The following SLC2A12 variants were observed in gnomAD, a reference collection of about 807,000 sequenced individuals.
The protein encoded by SLC2A12 is solute carrier family 2, facilitated glucose transporter member 12.
SLC2A12 carries 23 observed loss-of-function variants against 41.8 expected under a neutral mutation model. The observed-to-expected ratio is 0.55, with a 90% CI of 0.40 to 0.78. The LOEUF (loss-of-function observed/expected upper bound fraction) is 0.78, where lower values mean the gene tolerates loss of function less well. SLC2A12 is among the 30% of genes least tolerant of loss of function. The probability of loss-of-function intolerance (pLI) is 0.00; values close to 1 mark genes in which losing one functional copy is unlikely to be tolerated. For missense variants in SLC2A12, 654 were observed against 745.6 expected, an observed-to-expected ratio of 0.88 and a Z score of 1.43; for synonymous variants, 295 against 285.9, an observed-to-expected ratio of 1.03 and a Z score of -0.32.
intron 1 of SLC2A12, among the ~76,000 whole-genome samples, chr6:134,049,088 A>T (rs755023534): frequency 1.3e-5 from 2 of 152,224 alleles, no homozygotes; most frequent in African/African-American, 4.8e-5. Flanking sequence ...TTTAGGAAAA[A>T]GGAGTTCACA....
At chr6:134,035,151 C>CAGAA (rs1777277414) in intron 1 of SLC2A12, among the ~76,000 whole-genome samples, 1 of 107,910 alleles carries the variant, frequency 9.3e-6, no homozygotes, top group African/African-American at 3.3e-5. Flanking sequence ...GGCTGCCTGA[C>CAGAA]AAAAAAAAAA....
Position 133,988,444 on chromosome 6 carries a change from C to T in SLC2A12, c.*2711G>A, listed in dbSNP as rs1050165350. The T allele has an allele frequency of 1.3e-5, 2 of 152,126 alleles. No individual in the cohort carries two copies. Among genetic ancestry groups the T allele is most frequent in the African/African-American group, 4.8e-5 (2 of 41,440 alleles). 9.4% of individuals were successfully genotyped at this position (152,126 alleles called of 1,614,324 possible). ...AAACTTAATGGGGACAATATTCCAA[C>T]ACAATGTTCCACAAAAACTTGTATT... On this transcript the variant is annotated 3_prime_UTR_variant, in exon 5 of 5. Transcript: ENST00000275230.
chr6:134,028,166 A>G (rs1777139312), intron 2 of SLC2A12, among the ~76,000 whole-genome samples: 1 of 152,232 alleles, frequency 6.6e-6, no homozygotes, highest in Non-Finnish European at 1.5e-5. Context: ...AAGTATCCTC[A>G]TGTGACAGAT....
chr6:134,034,596 T>C (rs940739639), intron 1 of SLC2A12, among the ~76,000 whole-genome samples: 1 of 152,210 alleles, frequency 6.6e-6, no homozygotes, highest in Non-Finnish European at 1.5e-5. Flanking sequence ...CAAGATGCTA[T>C]CCTATGGATG....
At chr6:134,020,793 A>G (rs1200513650) in intron 2 of SLC2A12, among the ~76,000 whole-genome samples, 1 of 152,214 alleles carries the variant, frequency 6.6e-6, no homozygotes, top group Non-Finnish European at 1.5e-5. Context: ...TAAATTGGAC[A>G]GTCCATGAGA....
At position 133,989,041 on chromosome 6, in the gene SLC2A12, G is replaced by C. The variant is rs1298596671; in HGVS notation, c.*2114C>G. The C allele has an allele frequency of 6.6e-6, 1 of 152,160 alleles. No homozygotes were observed. Among genetic ancestry groups the C allele is most frequent in the East Asian group, 1.9e-4 (1 of 5,192 alleles). The allele number at this position is 152,160 out of a possible 1,614,324, so 9.4% of individuals were successfully genotyped here. A position where few individuals can be genotyped will look rare whatever the true frequency, so the allele number is the denominator to read the frequency against. ...AATCGAAGTGCTTTATCTGAAGGGA[G>C]AGGGTAAAGACAGTGTGACCAGGTT... On this transcript the variant is annotated 3_prime_UTR_variant, in exon 5 of 5. Coordinates refer to ENST00000275230, the MANE Select transcript of SLC2A12 (RefSeq NM_145176.3).
At chr6:134,044,451 C>T (rs534918333) in intron 1 of SLC2A12, among the ~76,000 whole-genome samples, 8 of 152,180 alleles carry the variant, frequency 5.3e-5, no homozygotes, top group African/African-American at 1.7e-4. Context: ...AGTGGCTTCA[C>T]GCCTGTAATC....
At chr6:134,004,543 A>G (rs1047776758) in intron 3 of SLC2A12, among the ~76,000 whole-genome samples, 1 of 152,218 alleles carries the variant, frequency 6.6e-6, no homozygotes, top group African/African-American at 2.4e-5. Context: ...GACAATATAT[A>G]TGAAATGAAG....
chr6:134,000,399 G>T lies in SLC2A12; in HGVS notation c.1700+1598C>A, dbSNP rs950286257. Among the ~76,000 whole-genome samples, 3 of 152,118 alleles carry T rather than the reference G, an allele frequency of 2.0e-5. No homozygotes were observed. In the East Asian group the frequency reaches 5.8e-4, roughly 29 times the overall value. ...TGGTTAGTTCAATATAAATACACATGCACACATATACCTACTAACAATTCA... is the reference window on the plus strand; with the variant it reads ...TGGTTAGTTCAATATAAATACACATTCACACATATACCTACTAACAATTCA... On this transcript the variant is annotated intron_variant, in intron 4 of 4. Transcript: ENST00000275230.
intron 1 of SLC2A12, among the ~76,000 whole-genome samples, chr6:134,035,385 T>C (rs904123945): frequency 1.3e-5 from 2 of 151,930 alleles, no homozygotes; most frequent in Non-Finnish European, 2.9e-5. Context: ...CCTTATTTCA[T>C]GGGAGTCCTG....
In SLC2A12 at chr6:134,028,619, ATTG is replaced by A. The variant is rs773886515; in HGVS notation, c.1203_1205del (p.Asn402del). On this transcript the variant is annotated inframe_deletion, in exon 2 of 5. Coordinates refer to ENST00000275230, the MANE Select transcript of SLC2A12 (RefSeq NM_145176.3). ...TCCCTTTGAAGTGGTCTCTGAGAGT[ATTG>A]TTGTTGGTTGACAGGTTTCCTGGTC... The A allele has an allele frequency of 3.7e-6, 6 of 1,614,046 alleles. No individual in the cohort carries two copies. The Admixed American group carries it at 5.0e-5, about 13-fold the overall frequency.
chr6:133,991,060 T>C lies in SLC2A12; in HGVS notation c.*95A>G. 7.1e-7 allele frequency: 1 copy of C among 1,407,142 alleles called. No individual in the cohort carries two copies. The highest frequency in any genetic ancestry group is 9.6e-7 in the Non-Finnish European group (1 of 1,045,088). The allele number at this position is 1,407,142 out of a possible 1,614,324, so 87.2% of individuals were successfully genotyped here. The stretch of plus-strand genomic sequence containing the variant: ...CTCTTCAAAACCAGTTCCATGACAC[T>C]GAAAAGAGAGCACAGGAGTCGCAAC... On this transcript the variant is annotated 3_prime_UTR_variant, in exon 5 of 5. Transcript: ENST00000275230.
chr6:134,018,362 A>T (rs1211347985), intron 2 of SLC2A12, among the ~76,000 whole-genome samples: 1 of 152,184 alleles, frequency 6.6e-6, no homozygotes, highest in Non-Finnish European at 1.5e-5. Context: ...TAAAACTGAA[A>T]GCTAGAGAGA....
Position 134,028,923 on chromosome 6 carries a change from G to A in SLC2A12, c.902C>T (p.Ala301Val). Residue 301 changes from alanine (A) to valine (V), a missense_variant, in exon 2 of 5, where the codon GCA becomes GTA. Physicochemically the swap from Ala to Val is moderately conservative, Grantham distance 64. Around this residue, in one of 3 missense-constraint regions of SLC2A12, gnomAD observed 411 missense variants for 412.1 expected, o/e 1.00. Transcript: ENST00000275230. ...ITGQPNILFYASTVLKSVGFQ... is the reference protein window; with the variant it reads ...ITGQPNILFYVSTVLKSVGFQ... Reference sequence around the variant, plus strand: ...TCCAACTGACTTCAAAACAGTTGATGCATAGAACAATATGTTTGGTTGGCC... The same window carrying A: ...TCCAACTGACTTCAAAACAGTTGATACATAGAACAATATGTTTGGTTGGCC... The A allele has an allele frequency of 6.2e-7, 1 of 1,614,262 alleles. No homozygotes were observed. The highest frequency in any genetic ancestry group is 8.5e-7 in the Non-Finnish European group (1 of 1,180,042).
At chr6:134,007,726 AG>A (rs1036756012) in intron 2 of SLC2A12, among the ~76,000 whole-genome samples, 5 of 152,234 alleles carry the variant, frequency 3.3e-5, no homozygotes, top group Non-Finnish European at 7.3e-5. Flanking sequence ...AATAAAAAAC[AG>A]CCAGAAGTTC....
intron 2 of SLC2A12, among the ~76,000 whole-genome samples, chr6:134,010,546 C>G (rs1020029261): frequency 6.6e-6 from 1 of 152,130 alleles, no homozygotes; most frequent in Non-Finnish European, 1.5e-5. Context: ...CGTACTCTTA[C>G]AAATGTCAGG....
chr6:134,024,136 C>T (rs1466520260), intron 2 of SLC2A12, among the ~76,000 whole-genome samples: 1 of 152,246 alleles, frequency 6.6e-6, no homozygotes, highest in Non-Finnish European at 1.5e-5. Context: ...CCTACAACTT[C>T]TCCAAGCACT....
At chr6:133,992,183 G>A (rs572803190) in intron 4 of SLC2A12, among the ~76,000 whole-genome samples, 2 of 152,268 alleles carry the variant, frequency 1.3e-5, no homozygotes, top group South Asian at 2.1e-4. Context: ...AGCTTTGTGC[G>A]TGTGTGCGTG....
At chr6:134,026,430 G>C (rs1230865282) in intron 2 of SLC2A12, among the ~76,000 whole-genome samples, 2 of 152,008 alleles carry the variant, frequency 1.3e-5, no homozygotes, top group Non-Finnish European at 2.9e-5. Flanking sequence ...GCTTTGAAGA[G>C]TTTCTTGAAA....
Sources: gnomAD v4.1 joint callset for allele counts (sites outside exome capture counted in the v4.1 genomes callset) on GRCh38, gnomAD v4.1.1 for gene constraint, gnomAD v4.1.1 regional missense constraint, MANE v1.5 for transcripts, NCBI Gene and HGNC (gene_info 2026-07-23, HGNC 2026-07-21) for gene names.